Variants in HYCC2 observed in about 807,000 individuals in gnomAD.
HYCC2 encodes the protein hyccin 2.
At chr2:201,000,057 C>CAAAAAAA in the HYCC2 span, among the ~76,000 whole-genome samples, 31 of 34,612 alleles carry the variant, frequency 9.0e-4, no homozygotes, top group Non-Finnish European at 1.2e-3. Flanking sequence ...GACTCCGTCT[C>CAAAAAAA]AAAAAAAAAA....
At chr2:201,033,196 T>TGTGTGTGA in the HYCC2 span, among the ~76,000 whole-genome samples, 178 of 106,246 alleles carry the variant, frequency 1.7e-3, 1 homozygote, top group African/African-American at 5.4e-3. Context: ...TGTGTGTGTG[T>TGTGTGTGA]GAGAGAGAGA....
chr2:200,973,998 GA>G, the HYCC2 span: 1 of 151,998 alleles, frequency 6.6e-6, no homozygotes, highest in Non-Finnish European at 1.5e-5. Flanking sequence ...ATTAAGACAG[GA>G]TAATGGCTTA....
At chr2:200,982,636 A>G in the HYCC2 span, among the ~76,000 whole-genome samples, 2 of 152,162 alleles carry the variant, frequency 1.3e-5, no homozygotes, top group African/African-American at 4.8e-5. Flanking sequence ...TTTTGATAAT[A>G]TTTTATGTAA....
chr2:201,001,725 T>TGC, the HYCC2 span, among the ~76,000 whole-genome samples: 5 of 152,010 alleles, frequency 3.3e-5, no homozygotes, highest in African/African-American at 7.3e-5. Context: ...CAGGCTAGAG[T>TGC]GCAGTGGCAC....
At chr2:201,043,664 AT>A in the HYCC2 span, among the ~76,000 whole-genome samples, 1 of 151,648 alleles carries the variant, frequency 6.6e-6, no homozygotes. Context: ...GCCTGCCACC[AT>A]GCCTGGCTAA....
the HYCC2 span, among the ~76,000 whole-genome samples, chr2:200,984,891 T>C: frequency 4.6e-5 from 7 of 152,238 alleles, no homozygotes; most frequent in African/African-American, 1.7e-4. Context: ...GATAGGAGGA[T>C]TGCTTGAGCC....
At chr2:201,039,080 T>G in the HYCC2 span, among the ~76,000 whole-genome samples, 435 of 152,308 alleles carry the variant, frequency 2.9e-3, 2 homozygotes, top group African/African-American at 0.01. Flanking sequence ...ATGGCTGGAA[T>G]AGACTCAGTT....
At chr2:201,041,166 T>C in the HYCC2 span, among the ~76,000 whole-genome samples, 1 of 152,226 alleles carries the variant, frequency 6.6e-6, no homozygotes, top group African/African-American at 2.4e-5. Context: ...TCCATGATAC[T>C]ATGTCCTATG....
At chr2:201,071,667 A>C in the HYCC2 span, 4 of 153,414 alleles carry the variant, frequency 2.6e-5, no homozygotes, top group Non-Finnish European at 5.8e-5. Context: ...CAGCCTGCCA[A>C]CTGCAGCGCA....
At chr2:200,996,114 C>G in the HYCC2 span, 1 of 151,020 alleles carries the variant, frequency 6.6e-6, no homozygotes, top group East Asian at 1.9e-4. Context: ...TCACTGCAAC[C>G]CTGCCTACCA....
chr2:201,063,011 T>C, the HYCC2 span: 1 of 1,513,498 alleles, frequency 6.6e-7, no homozygotes, highest in African/African-American at 1.4e-5. Context: ...CATCAAGTAC[T>C]ATAATAAAAA....
chr2:200,993,604 C>T, the HYCC2 span, among the ~76,000 whole-genome samples: 1 of 152,010 alleles, frequency 6.6e-6, no homozygotes, highest in East Asian at 1.9e-4. Flanking sequence ...GTGTTTAGTG[C>T]CTTATGGTCT....
At chr2:201,020,624 G>A in the HYCC2 span, among the ~76,000 whole-genome samples, 1 of 152,118 alleles carries the variant, frequency 6.6e-6, no homozygotes, top group African/African-American at 2.4e-5. Context: ...AGTCCTTAAG[G>A]TAGCTAGAGA....
At chr2:200,979,003 C>T in the HYCC2 span, 1 of 152,020 alleles carries the variant, frequency 6.6e-6, no homozygotes, top group Admixed American at 6.6e-5. Context: ...TGACTGACCT[C>T]CAGCCATAGC....
chr2:200,981,090 A>C, the HYCC2 span: 1 of 701,278 alleles, frequency 1.4e-6, no homozygotes, highest in East Asian at 2.7e-5. This position sits in a 1 kb window ranked among gnomAD's most constrained non-coding sequence, Gnocchi z 4.5. Context: ...AAGATGTAGG[A>C]AAGAGGGATA....
the HYCC2 span, among the ~76,000 whole-genome samples, chr2:201,048,767 T>C: frequency 6.6e-6 from 1 of 152,104 alleles, no homozygotes; most frequent in African/African-American, 2.4e-5. Context: ...TAAAGTAATA[T>C]TAATGAAGGG....
chr2:200,976,144 C>G, the HYCC2 span: 3 of 152,248 alleles, frequency 2.0e-5, no homozygotes, highest in South Asian at 6.2e-4. Flanking sequence ...AAGTAAGTGT[C>G]TCAACCAACT....
chr2:201,015,790 C>T, the HYCC2 span, among the ~76,000 whole-genome samples: 4,329 of 152,222 alleles, frequency 0.028, 216 homozygotes, highest in African/African-American at 0.099. Context: ...ATTTCCAGGA[C>T]GTGACTTGAC....
chr2:201,064,623 T>C, the HYCC2 span, among the ~76,000 whole-genome samples: 1 of 152,268 alleles, frequency 6.6e-6, no homozygotes, highest in Admixed American at 6.5e-5. Flanking sequence ...GAATTATTGG[T>C]TATAAAAGTG....
Sources: gnomAD v4.1 joint callset for allele counts (sites outside exome capture counted in the v4.1 genomes callset) on GRCh38, gnomAD v4.1.1 for gene constraint, Gnocchi (gnomAD v3.1) non-coding constraint, MANE v1.5 for transcripts, NCBI Gene and HGNC (gene_info 2026-07-23, HGNC 2026-07-21) for gene names.